Variants in GALNT13 observed in about 807,000 individuals in gnomAD.
GALNT13 encodes the protein UDP-GalNAc:polypeptide N-acetylgalactosaminyltransferase 13.
A neutral mutation model predicts 64.2 loss-of-function variants in GALNT13; 28 were observed. The observed-to-expected ratio is 0.44, with a 90% confidence interval of 0.32 to 0.60. The LOEUF (loss-of-function observed/expected upper bound fraction) is 0.60. Among genes scored for constraint, GALNT13 ranks in the 20% least tolerant of loss-of-function variants. The pLI, the probability that GALNT13 is intolerant of heterozygous loss-of-function variation, is 0.05. For missense variants in GALNT13, 577 were observed against 669.8 expected (o/e 0.86, Z 1.53); for synonymous variants, 214 against 224.6 (o/e 0.95, Z 0.42).
At chr2:153,639,730 T>C in the GALNT13 span, among the ~76,000 whole-genome samples, 1 of 152,196 alleles carries the variant, frequency 6.6e-6, no homozygotes, top group African/African-American at 2.4e-5. Context: ...AGTTTTAAAC[T>C]GATTTTAGTT....
chr2:154,275,170 A>G (rs998075032), intron 8 of GALNT13, among the ~76,000 whole-genome samples: 2 of 152,184 alleles, frequency 1.3e-5, no homozygotes, highest in South Asian at 2.1e-4. Flanking sequence ...TTGATGCAAT[A>G]GAAAAGAAAA....
the GALNT13 span, among the ~76,000 whole-genome samples, chr2:153,071,002 G>T: frequency 2.5e-3 from 376 of 152,080 alleles, 1 homozygote; most frequent in African/African-American, 8.8e-3. Flanking sequence ...TTTTTATTTA[G>T]CCTATAGGCA....
the GALNT13 span, among the ~76,000 whole-genome samples, chr2:153,088,496 C>T: frequency 2.2e-4 from 34 of 151,888 alleles, no homozygotes; most frequent in Non-Finnish European, 4.7e-4. Flanking sequence ...GGGTATAGTT[C>T]GAGTCCATTG....
At chr2:154,029,634 A>G (rs1036373848) in intron 3 of GALNT13, among the ~76,000 whole-genome samples, 1 of 152,200 alleles carries the variant, frequency 6.6e-6, no homozygotes, top group Non-Finnish European at 1.5e-5. Flanking sequence ...CCTACGCAAG[A>G]TATTTAGTTT....
intron 4 of GALNT13, among the ~76,000 whole-genome samples, chr2:154,172,340 A>T (rs1290906336): frequency 6.6e-6 from 1 of 151,922 alleles, no homozygotes; most frequent in African/African-American, 2.4e-5. Flanking sequence ...TCTACTATAC[A>T]TTATTTTAAA....
At chr2:153,680,068 A>G in the GALNT13 span, among the ~76,000 whole-genome samples, 1 of 151,918 alleles carries the variant, frequency 6.6e-6, no homozygotes, top group African/African-American at 2.4e-5. Context: ...TTCATCCCAC[A>G]AGACTAGGGT....
chr2:153,358,206 CTA>C, the GALNT13 span, among the ~76,000 whole-genome samples: 11 of 152,244 alleles, frequency 7.2e-5, no homozygotes, highest in African/African-American at 2.6e-4. Context: ...GGAACATGCA[CTA>C]TGATGAGATG....
At chr2:153,475,035 G>A in the GALNT13 span, among the ~76,000 whole-genome samples, 4 of 152,202 alleles carry the variant, frequency 2.6e-5, no homozygotes, top group Non-Finnish European at 4.4e-5. Flanking sequence ...GGATTAAAAT[G>A]TTTCATTTAA....
chr2:153,521,364 T>G, the GALNT13 span, among the ~76,000 whole-genome samples: 2 of 152,182 alleles, frequency 1.3e-5, no homozygotes, highest in African/African-American at 2.4e-5. Flanking sequence ...AAACATAAAC[T>G]ACATCAAATT....
At chr2:154,019,966 C>A (rs1331563297) in intron 3 of GALNT13, among the ~76,000 whole-genome samples, 1 of 151,928 alleles carries the variant, frequency 6.6e-6, no homozygotes, top group South Asian at 2.1e-4. Flanking sequence ...GTTTTTTGTC[C>A]TTGCAATAGT....
At chr2:154,226,589 CTT>C (rs763843485) in intron 4 of GALNT13, among the ~76,000 whole-genome samples, 2 of 152,050 alleles carry the variant, frequency 1.3e-5, no homozygotes, top group Non-Finnish European at 2.9e-5. Context: ...TTAATTGACA[CTT>C]AATTTAGCAG....
At chr2:153,130,870 C>T in the GALNT13 span, among the ~76,000 whole-genome samples, 1 of 152,150 alleles carries the variant, frequency 6.6e-6, no homozygotes, top group Non-Finnish European at 1.5e-5. Flanking sequence ...CCCTGGTGAG[C>T]TGAGGCTGCA....
intron 8 of GALNT13, among the ~76,000 whole-genome samples, chr2:154,261,706 C>T (rs571145762): frequency 3.4e-4 from 52 of 152,170 alleles, no homozygotes; most frequent in South Asian, 1.5e-3. Context: ...GAACTGCATT[C>T]CTATGACAGA....
chr2:153,906,146 A>G (rs1434301520), intron 2 of GALNT13, among the ~76,000 whole-genome samples: 1 of 150,934 alleles, frequency 6.6e-6, no homozygotes, highest in East Asian at 1.9e-4. Context: ...GTAAGGGGGG[A>G]CTTATTTATT....
chr2:154,243,571 T>C (rs575970745), intron 6 of GALNT13, among the ~76,000 whole-genome samples: 2 of 152,134 alleles, frequency 1.3e-5, no homozygotes, highest in African/African-American at 4.8e-5. Flanking sequence ...ATCTGGAAAA[T>C]TGAATAAATA....
the GALNT13 span, among the ~76,000 whole-genome samples, chr2:153,678,716 G>C: frequency 6.6e-6 from 1 of 151,900 alleles, no homozygotes; most frequent in Non-Finnish European, 1.5e-5. Flanking sequence ...ATGGACTTGC[G>C]TTGTGTCAAG....
the GALNT13 span, among the ~76,000 whole-genome samples, chr2:153,798,733 G>C: frequency 6.6e-6 from 1 of 152,122 alleles, no homozygotes; most frequent in East Asian, 1.9e-4. Flanking sequence ...TTATATAACA[G>C]ATGCATCAAT....
chr2:153,690,840 CT>C, the GALNT13 span, among the ~76,000 whole-genome samples: 1 of 152,132 alleles, frequency 6.6e-6, no homozygotes, highest in Non-Finnish European at 1.5e-5. Flanking sequence ...CAGACATATA[CT>C]GCAGGATGCT....
the GALNT13 span, among the ~76,000 whole-genome samples, chr2:153,597,782 C>T: frequency 1.3e-5 from 2 of 151,920 alleles, no homozygotes; most frequent in Non-Finnish European, 2.9e-5. Context: ...AAAAAGACAA[C>T]CCAATTTCAA....
Sources: gnomAD v4.1 joint callset for allele counts (sites outside exome capture counted in the v4.1 genomes callset) on GRCh38, gnomAD v4.1.1 for gene constraint, MANE v1.5 for transcripts, NCBI Gene and HGNC (gene_info 2026-07-23, HGNC 2026-07-21) for gene names.